SLC10A7: variants seen among roughly 807,000 people sequenced by gnomAD.
SLC10A7 encodes sodium/bile acid cotransporter 7.
A neutral mutation model predicts 43.2 loss-of-function variants in SLC10A7; 29 were observed. The observed-to-expected ratio is 0.67, with a 90% CI of 0.50 to 0.92. The LOEUF is 0.92. SLC10A7 is among the 40% of genes least tolerant of loss of function. The pLI is 0.00. For missense variants in SLC10A7, 295 were observed against 403.2 expected (o/e 0.73, Z 2.30); for synonymous variants, 152 against 144.8 (o/e 1.05, Z -0.35).
intron 5 of SLC10A7, among the ~76,000 whole-genome samples, chr4:146,373,147 C>T (rs2679145): frequency 6.6e-6 from 1 of 152,106 alleles, no homozygotes; most frequent in Non-Finnish European, 1.5e-5. Context: ...AGGCTGATTA[C>T]AAGTACAAAT....
At chr4:146,451,291 T>C (rs957088171) in intron 4 of SLC10A7, among the ~76,000 whole-genome samples, 3 of 146,240 alleles carry the variant, frequency 2.1e-5, no homozygotes, top group African/African-American at 7.6e-5. Context: ...TGCTGAATTC[T>C]ACCACACTTT....
At chr4:146,369,989 A>G (rs1736654565) in intron 5 of SLC10A7, among the ~76,000 whole-genome samples, 1 of 152,148 alleles carries the variant, frequency 6.6e-6, no homozygotes, top group South Asian at 2.1e-4. Flanking sequence ...TTGCAAAACA[A>G]TTTTCTTTAT....
At chr4:146,410,734 C>T (rs1728129158) in intron 5 of SLC10A7, among the ~76,000 whole-genome samples, 1 of 152,144 alleles carries the variant, frequency 6.6e-6, no homozygotes, top group Non-Finnish European at 1.5e-5. Context: ...CACACTTGTA[C>T]ATTGAGTCAA....
intron 5 of SLC10A7, among the ~76,000 whole-genome samples, chr4:146,347,491 C>T (rs926451303): frequency 2.0e-5 from 3 of 152,154 alleles, no homozygotes. Flanking sequence ...ACCAGTGCTG[C>T]TAAGTTGAGA....
At chr4:146,331,415 C>T (rs1234872972) in intron 5 of SLC10A7, among the ~76,000 whole-genome samples, 9 of 152,160 alleles carry the variant, frequency 5.9e-5, no homozygotes, top group Non-Finnish European at 8.8e-5. Flanking sequence ...GAAATGGTTT[C>T]TGTCTAGTAG....
At chr4:146,449,977 G>A (rs1731444058) in intron 4 of SLC10A7, among the ~76,000 whole-genome samples, 1 of 151,994 alleles carries the variant, frequency 6.6e-6, no homozygotes, top group Non-Finnish European at 1.5e-5. Context: ...TCAAAGGAGG[G>A]GTGGGAATGG....
chr4:146,468,925 G>A (rs1016789352), intron 4 of SLC10A7, among the ~76,000 whole-genome samples: 1 of 152,046 alleles, frequency 6.6e-6, no homozygotes, highest in Non-Finnish European at 1.5e-5. Flanking sequence ...CCATTGTTGG[G>A]GGTAGGGGGG....
At chr4:146,345,030 G>C (rs1183148773) in intron 5 of SLC10A7, among the ~76,000 whole-genome samples, 3 of 152,072 alleles carry the variant, frequency 2.0e-5, no homozygotes, top group East Asian at 3.8e-4. Context: ...TAGTCAATAT[G>C]CTTTCCTCTA....
chr4:146,268,124 C>A (rs147826126), intron 10 of SLC10A7, among the ~76,000 whole-genome samples: 6 of 152,288 alleles, frequency 3.9e-5, no homozygotes, highest in African/African-American at 1.4e-4. Context: ...TAGGAAACTG[C>A]TTTCCTGTCG....
intron 5 of SLC10A7, among the ~76,000 whole-genome samples, chr4:146,429,634 A>C (rs1729625413): frequency 6.7e-6 from 1 of 150,156 alleles, no homozygotes; most frequent in African/African-American, 2.5e-5. Flanking sequence ...ATGGGAGAGA[A>C]GATCAGAATT....
chr4:146,472,538 A>T lies in SLC10A7; in HGVS notation c.397-29717T>A, dbSNP rs1733666944. 2.7e-5 allele frequency among the ~76,000 whole-genome samples: 4 copies of T among 150,804 alleles called. No homozygotes were observed. The Admixed American group carries it at 2.7e-4, about 10-fold the overall frequency. On this transcript the variant is annotated intron_variant, in intron 4 of 11. Transcript: ENST00000335472. ...AGCAGTTCCTAACAACAGGGAACCC[A>T]GCTGGGATAGGAAGAGGGCAGCGGG...
rs1390996544 is a variant in SLC10A7 at position 146,305,294 on chromosome 4, A to T, written c.555+632T>A. ...TTTGTAGGGACATGGATGAAACTGG[A>T]AATCATCATTCTCAGTAAACTATCG... is the stretch of plus-strand genomic sequence containing the variant. On this transcript the variant is annotated intron_variant, in intron 7 of 11. Coordinates refer to ENST00000335472, the MANE Select transcript of SLC10A7 (RefSeq NM_001029998.6). Among the ~76,000 whole-genome samples, 3 of 151,692 alleles carry T rather than the reference A, an allele frequency of 2.0e-5. No individual in the cohort carries two copies. The East Asian group carries it at 5.8e-4, about 30-fold the overall frequency.
At chr4:146,434,412 T>C (rs1156601764) in intron 5 of SLC10A7, among the ~76,000 whole-genome samples, 1 of 152,250 alleles carries the variant, frequency 6.6e-6, no homozygotes, top group East Asian at 1.9e-4. Flanking sequence ...TTGAATCTGG[T>C]ATCTGATAAA....
Position 146,335,250 on chromosome 4 carries a change from G to GAAAAAAAAAAAAAAA in SLC10A7, c.436-9255_436-9254insTTTTTTTTTTTTTTT, listed in dbSNP as rs772547279. On this transcript the variant is annotated intron_variant, in intron 5 of 11. Coordinates refer to ENST00000335472, the MANE Select transcript of SLC10A7 (RefSeq NM_001029998.6). ...TCATTAAAGTGTTGCCACAGATGTT[G>GAAAAAAAAAAAAAAA]TAAAAAAAAAAAAAAAAAAAAAAAA... is the stretch of plus-strand genomic sequence containing the variant. 1.7e-4 allele frequency among the ~76,000 whole-genome samples: 12 copies of GAAAAAAAAAAAAAAA among 70,622 alleles called. 1 individual carries two copies. In the East Asian group the frequency reaches 1.8e-3, roughly 10 times the overall value. The allele number at this position is 70,622 out of a possible 152,430, so 46.3% of individuals were successfully genotyped here.
rs77982539 is a variant in SLC10A7, at chr4:146,491,415, T to C, written c.396+12434A>G. On this transcript the variant is annotated intron_variant, in intron 4 of 11. Coordinates refer to ENST00000335472, the MANE Select transcript of SLC10A7 (RefSeq NM_001029998.6). ...AGGAAATATGAATGGCAAATATCCA[T>C]TAAAGTTTAGGATAGTGTTTTTCAA... 1.9e-4 allele frequency among the ~76,000 whole-genome samples: 29 copies of C among 152,192 alleles called. No individual in the cohort carries two copies. The East Asian group carries it at 4.8e-3, about 25-fold the overall frequency.
intron 5 of SLC10A7, chr4:146,442,237 T>A (rs940138425): frequency 3.7e-6 from 3 of 819,522 alleles, no homozygotes; most frequent in Non-Finnish European, 4.4e-6. Context: ...TTTTGAATCT[T>A]TATATATATA....
At chr4:146,403,236 A>C (rs1183683858) in intron 5 of SLC10A7, among the ~76,000 whole-genome samples, 1 of 152,154 alleles carries the variant, frequency 6.6e-6, no homozygotes, top group Non-Finnish European at 1.5e-5. Flanking sequence ...AGTAATTCTG[A>C]AAACGTCTCA....
In SLC10A7 at chr4:146,481,058, A is replaced by G. The variant is rs374650988; in HGVS notation, c.396+22791T>C. ...GGTGACACCGCATCCTGCCCACCAA[A>G]GGACTCCAACCCTCCAGCACACCAG... is the stretch of plus-strand genomic sequence containing the variant. On this transcript the variant is annotated intron_variant, in intron 4 of 11. Transcript: ENST00000335472. Among the ~76,000 whole-genome samples the G allele has an allele frequency of 1.6e-4, 24 of 152,190 alleles. 1 individual carries two copies. The East Asian group carries it at 1.9e-3, about 12-fold the overall frequency.
intron 3 of SLC10A7, among the ~76,000 whole-genome samples, chr4:146,507,021 C>T (rs1736975928): frequency 6.6e-6 from 1 of 152,168 alleles, no homozygotes; most frequent in Non-Finnish European, 1.5e-5. Flanking sequence ...TGTGTATACA[C>T]TGTGAAATCA....
Sources: gnomAD v4.1 joint callset for allele counts (sites outside exome capture counted in the v4.1 genomes callset) on GRCh38, gnomAD v4.1.1 for gene constraint, MANE v1.5 for transcripts, NCBI Gene and HGNC (gene_info 2026-07-23, HGNC 2026-07-21) for gene names.